PEAK1: variants seen among roughly 807,000 people sequenced by gnomAD.
PEAK1 encodes the protein pseudopodium enriched atypical kinase 1.
Under a neutral mutation model 124.7 loss-of-function variants are expected in PEAK1, and 54 were observed. The observed-to-expected ratio is 0.43, with a 90% CI of 0.35 to 0.54. The LOEUF is 0.54. PEAK1 is among the 20% of genes least tolerant of loss of function. The pLI is 0.01. For synonymous variants in PEAK1, 719 were observed against 760.0 expected (o/e 0.95, Z 0.89); for missense variants, 2,046 against 2,134.5 (o/e 0.96, Z 0.82).
intron 2 of PEAK1, chr15:77,334,950 A>G: frequency 1.0e-6 from 1 of 985,404 alleles, no homozygotes; most frequent in African/African-American, 1.7e-5. Context: ...TTGAGAACAC[A>G]AATCTCAACA....
intron 1 of PEAK1, among the ~76,000 whole-genome samples, chr15:77,405,004 G>GT (rs1302779932): frequency 1.3e-4 from 20 of 149,484 alleles, no homozygotes; most frequent in Non-Finnish European, 1.8e-4. Context: ...AGGTCAATTA[G>GT]TTTTTTGTTT....
intron 6 of PEAK1, among the ~76,000 whole-genome samples, chr15:77,240,269 T>G (rs1054294953): frequency 1.3e-5 from 2 of 152,216 alleles, no homozygotes; most frequent in African/African-American, 4.8e-5. Context: ...CAAATACAAC[T>G]ATAATACTTC....
chr15:77,151,133 T>G (rs1330222978), intron 8 of PEAK1, among the ~76,000 whole-genome samples: 1 of 152,120 alleles, frequency 6.6e-6, no homozygotes, highest in African/African-American at 2.4e-5. Flanking sequence ...CCACCAACAG[T>G]GTAAAAGTGT....
chr15:77,347,886 C>T (rs1597387362), intron 2 of PEAK1: 5 of 983,616 alleles, frequency 5.1e-6, no homozygotes, highest in Non-Finnish European at 6.0e-6. Context: ...TAAAATATAC[C>T]TACTAAAAAA....
intron 2 of PEAK1, chr15:77,352,373 C>A: frequency 6.1e-6 from 6 of 985,310 alleles, no homozygotes; most frequent in Non-Finnish European, 7.2e-6. Context: ...AACCCCAGAA[C>A]TCTGCTCAAA....
At chr15:77,143,504 T>C (rs997419799) in intron 8 of PEAK1, among the ~76,000 whole-genome samples, 24 of 152,224 alleles carry the variant, frequency 1.6e-4, no homozygotes, top group African/African-American at 5.5e-4. Context: ...TTTCATGATC[T>C]GGCCCCGATA....
At chr15:77,213,575 T>C (rs908440928) in intron 6 of PEAK1, among the ~76,000 whole-genome samples, 6 of 151,902 alleles carry the variant, frequency 3.9e-5, no homozygotes, top group Non-Finnish European at 7.4e-5. Flanking sequence ...TGTAATTCCA[T>C]CTACTTGGGC....
intron 8 of PEAK1, among the ~76,000 whole-genome samples, chr15:77,141,489 C>T (rs931663241): frequency 7.9e-5 from 12 of 152,158 alleles, no homozygotes. Flanking sequence ...AATGTAATCC[C>T]TATCAAAATT....
intron 5 of PEAK1, among the ~76,000 whole-genome samples, chr15:77,253,892 C>T (rs928551234): frequency 1.3e-5 from 2 of 152,176 alleles, no homozygotes; most frequent in African/African-American, 2.4e-5. Context: ...GATATTGGCT[C>T]ACTGCAACAT....
intron 6 of PEAK1, among the ~76,000 whole-genome samples, chr15:77,194,001 C>T (rs1220610486): frequency 6.6e-6 from 1 of 152,166 alleles, no homozygotes; most frequent in Admixed American, 6.5e-5. Context: ...TCGTCTGAAG[C>T]TCCAGACTTC....
At position 77,133,111 on chromosome 15, in the gene PEAK1, C is replaced by A. The variant is rs2053018398; in HGVS notation, c.3971G>T (p.Trp1324Leu). ...KDQLRFGVDS[W>L]SDFRLTSDKP... The stretch of plus-strand genomic sequence containing the variant: ...GTCACTGGTTAGCCTGAAGTCTGAC[C>A]AGCTGTCCACTCCAAAACGGAGCTG... Residue 1324 changes from tryptophan to leucine, a missense_variant, in exon 9 of 10, where the codon TGG becomes TTG. Trp to Leu is a moderately conservative substitution (Grantham distance 61). Transcript: ENST00000682557. This position sits in a 1 kb window ranked among gnomAD's most constrained non-coding sequence, Gnocchi z 4.2. The A allele has an allele frequency of 6.2e-7, 1 of 1,614,174 alleles. No homozygotes were observed. Among genetic ancestry groups the A allele is most frequent in the Non-Finnish European group, 8.5e-7 (1 of 1,180,032 alleles).
chr15:77,191,650 T>C lies in PEAK1; in HGVS notation c.-114-9610A>G, dbSNP rs1351919816. 2.0e-5 allele frequency among the ~76,000 whole-genome samples: 3 copies of C among 152,232 alleles called. No homozygotes were observed. The East Asian group carries it at 5.8e-4, about 29-fold the overall frequency. On this transcript the variant is annotated intron_variant, in intron 6 of 9. Transcript: ENST00000682557. ...TGTGTTTTGCATCAATTTCAAGAGA[T>C]GCTGTCAGATTCTATCAGGAAGGAG...
intron 5 of PEAK1, among the ~76,000 whole-genome samples, chr15:77,271,241 A>G: frequency 6.6e-6 from 1 of 152,236 alleles, no homozygotes; most frequent in South Asian, 2.1e-4. Flanking sequence ...ATACCATCTC[A>G]CAGCAGTTAG....
intron 2 of PEAK1, chr15:77,346,682 T>G (rs952234008): frequency 3.0e-6 from 3 of 984,072 alleles, no homozygotes; most frequent in Non-Finnish European, 3.6e-6. Context: ...AAAACATTAA[T>G]TGTATCTTCC....
chr15:77,246,929 A>C (rs1291051073), intron 6 of PEAK1, among the ~76,000 whole-genome samples: 1 of 152,078 alleles, frequency 6.6e-6, no homozygotes, highest in Non-Finnish European at 1.5e-5. Context: ...GAGGTTCGAG[A>C]ATCGTTTGAA....
intron 1 of PEAK1, among the ~76,000 whole-genome samples, chr15:77,408,061 A>C (rs2072029523): frequency 7.8e-6 from 1 of 127,970 alleles, no homozygotes; most frequent in Non-Finnish European, 1.8e-5. Flanking sequence ...ACATGCATAG[A>C]TACACATATA....
intron 2 of PEAK1, among the ~76,000 whole-genome samples, chr15:77,308,181 G>T (rs2064214911): frequency 6.6e-6 from 1 of 152,060 alleles, no homozygotes; most frequent in South Asian, 2.1e-4. Context: ...CTAATAAGCA[G>T]TTTGAAGTAC....
At chr15:77,345,596 T>C (rs1440096290) in intron 2 of PEAK1, among the ~76,000 whole-genome samples, 1 of 152,176 alleles carries the variant, frequency 6.6e-6, no homozygotes, top group Non-Finnish European at 1.5e-5. Context: ...AACCAACACT[T>C]CATTTGATAA....
chr15:77,158,258 G>C, intron 8 of PEAK1: 1 of 446,188 alleles, frequency 2.2e-6, no homozygotes, highest in Non-Finnish European at 4.0e-6. Flanking sequence ...TTTCCCCCCA[G>C]GTGAGTCCCT....
Sources: allele counts gnomAD v4.1 joint callset (sites outside exome capture counted in the v4.1 genomes callset), GRCh38; gene constraint gnomAD v4.1.1; non-coding constraint Gnocchi (gnomAD v3.1); transcripts MANE v1.5; gene names NCBI Gene and HGNC (gene_info 2026-07-23, HGNC 2026-07-21).